PIGG: variants seen among roughly 807,000 people sequenced by gnomAD.
PIGG encodes the protein GPI ethanolamine phosphate transferase 2, catalytic subunit.
Under a neutral mutation model 83.2 loss-of-function variants are expected in PIGG, and 70 were observed. That is an observed-to-expected ratio of 0.84 (90% CI 0.69 to 1.03). The LOEUF (loss-of-function observed/expected upper bound fraction) is 1.03. Among genes scored for constraint, PIGG ranks in the 50% least tolerant of loss-of-function variants. The probability of loss-of-function intolerance (pLI) is 0.00; values close to 1 mark genes in which losing one functional copy is unlikely to be tolerated. For synonymous variants in PIGG, 532 were observed against 519.5 expected (o/e 1.02, Z -0.33); for missense variants, 1,257 against 1,233.6 (o/e 1.02, Z -0.28).
chr4:511,695 C>T (rs1722017548), intron 5 of PIGG, among the ~76,000 whole-genome samples: 1 of 152,212 alleles, frequency 6.6e-6, no homozygotes, highest in Admixed American at 6.5e-5. Flanking sequence ...TTTACTGATG[C>T]TCTTTGCTTT....
At chr4:509,877 G>A (rs141646912) in intron 5 of PIGG, among the ~76,000 whole-genome samples, 105 of 152,228 alleles carry the variant, frequency 6.9e-4, no homozygotes, top group Non-Finnish European at 1.2e-3. Flanking sequence ...CATCATTCTT[G>A]GCATAATTTG....
intron 6 of PIGG, among the ~76,000 whole-genome samples, chr4:520,423 A>AGGGCTCCATCCAGG: frequency 6.6e-6 from 1 of 152,236 alleles, no homozygotes; most frequent in Non-Finnish European, 1.5e-5. Context: ...CTCCATCCAG[A>AGGGCTCCATCCAGG]GGCAGGGCAT....
chr4:521,338 A>T (rs1271546259), intron 7 of PIGG, 65 bp downstream of exon 7: 3 of 973,066 alleles, frequency 3.1e-6, no homozygotes, highest in Non-Finnish European at 4.6e-6. Flanking sequence ...CCAAATATTT[A>T]TAGTTTTAAA....
intron 6 of PIGG, 71 bp from the exon 7 acceptor site, chr4:520,985 T>G: frequency 2.8e-6 from 3 of 1,070,388 alleles, no homozygotes; most frequent in Non-Finnish European, 4.3e-6. Context: ...ACCGAATACT[T>G]TGAGATTATG....
rs996835766 is a variant in PIGG, at chr4:530,876, C to G, written c.2571+131C>G. The G allele has an allele frequency of 1.0e-5, 7 of 676,424 alleles. No individual in the cohort carries two copies. In the African/African-American group the frequency reaches 1.1e-4, roughly 11 times the overall value. The allele number at this position is 676,424 out of a possible 1,614,324, so 41.9% of individuals were successfully genotyped here. A position where few individuals can be genotyped will look rare whatever the true frequency, so the allele number is the denominator to read the frequency against. ...GTGGCATGGTGAATTACGCTGAACT[C>G]TCGTGTATTTTATAAGACAAAGTAC... On this transcript the variant is annotated intron_variant, in intron 11 of 12. Coordinates refer to ENST00000453061, the MANE Select transcript of PIGG (RefSeq NM_001127178.3).
chr4:537,495 C>T (rs1299275871), intron 12 of PIGG: 1 of 152,314 alleles, frequency 6.6e-6, no homozygotes, highest in Non-Finnish European at 1.5e-5. Flanking sequence ...CCAGTATGTT[C>T]ACCTTTTCCT....
At chr4:507,898 C>G (rs1409798623) in intron 4 of PIGG, among the ~76,000 whole-genome samples, 1 of 151,912 alleles carries the variant, frequency 6.6e-6, no homozygotes, top group Non-Finnish European at 1.5e-5. Flanking sequence ...TTCTGTGCCA[C>G]TCTGTTCTGT....
Position 512,956 on chromosome 4 carries a change from A to G in PIGG, c.902-3017A>G, listed in dbSNP as rs1430534100. Among the ~76,000 whole-genome samples the G allele has an allele frequency of 2.0e-5, 3 of 152,280 alleles. No individual in the cohort carries two copies. The East Asian group carries it at 5.8e-4, about 29-fold the overall frequency. On this transcript the variant is annotated intron_variant, in intron 5 of 12. Coordinates refer to ENST00000453061, the MANE Select transcript of PIGG (RefSeq NM_001127178.3). Reference sequence around the variant, plus strand: ...GGGGGAATGAGAGGGAGATCGTATAACCAACCCTCCTTCTGGAGCTGGGGG... The same window carrying G: ...GGGGGAATGAGAGGGAGATCGTATAGCCAACCCTCCTTCTGGAGCTGGGGG...
In PIGG at chr4:508,875, A is replaced by G. The variant is rs1165611984; in HGVS notation, c.806A>G (p.His269Arg). 1 of 1,613,930 alleles carries G rather than the reference A, an allele frequency of 6.2e-7. No homozygotes were observed. The highest frequency in any genetic ancestry group is 8.5e-7 in the Non-Finnish European group (1 of 1,179,788). Residue 269 changes from histidine (H) to arginine (R), a missense_variant, in exon 5 of 13, where the codon CAT (histidine) becomes CGT (arginine). Physicochemically the swap from His to Arg is conservative, Grantham distance 29. Transcript: ENST00000453061. ...AATTTGCTGGTTCTTTGTGGTGACCATGGCATGTCTGAAACAGGAAGTCAC... is the reference window on the plus strand; with the variant it reads ...AATTTGCTGGTTCTTTGTGGTGACCGTGGCATGTCTGAAACAGGAAGTCAC... The part of the protein sequence containing the change: ...LPNLLVLCGD[H>R]GMSETGSHGA...
intron 12 of PIGG, 99 bp downstream of exon 12, chr4:534,080 G>A (rs1729766915): frequency 1.0e-6 from 1 of 973,654 alleles, no homozygotes. Flanking sequence ...AAGCTCCATG[G>A]GTCCAACAGT....
rs536222989 is a variant in PIGG at position 522,481 on chromosome 4, C to T, written c.1614+540C>T. ...GTCCTTGGCCTCGGACACCTTCATT[C>T]GTTAGCTGGGGAGTGGTGGTGAGGC... On this transcript the variant is annotated intron_variant, in intron 8 of 12. Transcript: ENST00000453061. 56 of 194,756 alleles carry T rather than the reference C, an allele frequency of 2.9e-4. No individual in the cohort carries two copies. The South Asian group carries it at 4.7e-3, about 16-fold the overall frequency. 12.1% of individuals were successfully genotyped at this position (194,756 alleles called of 1,614,324 possible).
rs1726732803 is a variant in PIGG at position 523,720 on chromosome 4, C to T, written c.1876C>T (p.Pro626Ser). The T allele has an allele frequency of 6.2e-7, 1 of 1,614,192 alleles. No homozygotes were observed. The highest frequency in any genetic ancestry group is 8.5e-7 in the Non-Finnish European group (1 of 1,180,040). ...DGATAAWQDG[P>S]GCDVLERDKG... ...GGCCACAGCAGCGTGGCAGGACGGG[C>T]CTGGCTGTGATGTCCTGGAGCGAGA... The change falls in exon 9 of 13, where the codon CCT (proline) becomes TCT (serine). Residue 626 changes from proline (P) to serine (S), a missense_variant. Physicochemically the swap from Pro to Ser is moderately conservative, Grantham distance 74 (BLOSUM62 -1). Coordinates refer to ENST00000453061, the MANE Select transcript of PIGG (RefSeq NM_001127178.3).
rs777479274 is a variant in PIGG at position 521,223 on chromosome 4, G to GC, written c.1285dup (p.Gln429ProfsTer34). The GC allele has an allele frequency of 2.5e-5, 41 of 1,614,140 alleles. No individual in the cohort carries two copies. Among genetic ancestry groups the GC allele is most frequent in the Non-Finnish European group, 3.4e-5 (40 of 1,180,000 alleles). ...GAGCTTGTCCCTGAGTGCACAAGTG[G>GC]CCCAGTACGACATCTATTCGATGAT... On this transcript the variant is annotated frameshift_variant, in exon 7 of 13. Transcript: ENST00000453061. LOFTEE classifies it high-confidence loss of function.
intron 6 of PIGG, among the ~76,000 whole-genome samples, chr4:517,077 G>A (rs534263596): frequency 1.3e-5 from 2 of 152,206 alleles, no homozygotes; most frequent in East Asian, 1.9e-4. Flanking sequence ...GCATTAAGGG[G>A]TGAGGGCCAC....
intron 2 of PIGG, among the ~76,000 whole-genome samples, chr4:505,459 CAAAAA>C (rs35308755): frequency 2.2e-5 from 1 of 45,008 alleles, no homozygotes; most frequent in South Asian, 1.1e-3. Flanking sequence ...CTGTATCTAC[CAAAAA>C]AAAAAAAAAA....
rs1294683568 is a variant in PIGG at position 530,743 on chromosome 4, C to T, written c.2569C>T (p.Gln857Ter). ...YWFGQAFFYF[Q>*]GNSNNIATVD... is the part of the protein sequence containing the mutation. The stretch of plus-strand genomic sequence containing the variant: ...GTTTGGTCAAGCATTCTTCTATTTT[C>T]AGGTAGGTTTTCATTATTATCATGG... Residue 857 changes from glutamine (Q) to a stop codon, truncating the protein, a stop_gained and splice_region_variant, in exon 11 of 13, where the codon CAG becomes TAG. Transcript: ENST00000453061. LOFTEE classifies it high-confidence loss of function. 5 of 1,596,186 alleles carry T rather than the reference C, an allele frequency of 3.1e-6. No homozygotes were observed. The highest frequency in any genetic ancestry group is 3.4e-5 in the Admixed American group (2 of 59,394).
In PIGG at chr4:531,431, G is replaced by A. The variant is rs189126139; in HGVS notation, c.2571+686G>A. 4.5e-3 allele frequency: 686 copies of A among 153,406 alleles called. 3 individuals carry two copies. Among genetic ancestry groups the A allele is most frequent in the African/African-American group, 0.015 (635 of 41,558 alleles). The allele number at this position is 153,406 out of a possible 1,614,324, so 9.5% of individuals were successfully genotyped here. A position where few individuals can be genotyped will look rare whatever the true frequency, so the allele number is the denominator to read the frequency against. On this transcript the variant is annotated intron_variant, in intron 11 of 12. Transcript: ENST00000453061. ...AGTCGCTTTGCAGCAGCTGAACGTC[G>A]TGGTTGCATTTTGGTCTCTACCGTG...
At position 499,289 on chromosome 4, in the gene PIGG, G is replaced by T. The variant is rs782759049; in HGVS notation, c.-47G>T. The T allele has an allele frequency of 6.3e-7, 1 of 1,586,126 alleles. No homozygotes were observed. The highest frequency in any genetic ancestry group is 8.5e-7 in the Non-Finnish European group (1 of 1,171,182). The stretch of plus-strand genomic sequence containing the variant: ...GCCGGAAGCGCGGCTGCAGCAGGGC[G>T]AGGCTCCAGGTGGGGTCGGTTCCGC... On this transcript the variant is annotated 5_prime_UTR_variant, in exon 1 of 13. Coordinates refer to ENST00000453061, the MANE Select transcript of PIGG (RefSeq NM_001127178.3).
At chr4:499,588 C>T (rs1273675545) in intron 1 of PIGG, 99 bp downstream of exon 1, 3 of 1,446,994 alleles carry the variant, frequency 2.1e-6, no homozygotes, top group African/African-American at 1.4e-5. Flanking sequence ...TCGGCGCTCC[C>T]CGGTGGTCTC....
Sources: gnomAD v4.1 joint callset for allele counts (sites outside exome capture counted in the v4.1 genomes callset) on GRCh38, gnomAD v4.1.1 for gene constraint, MANE v1.5 for transcripts, NCBI Gene and HGNC (gene_info 2026-07-23, HGNC 2026-07-21) for gene names.